VAMP2: variants seen among roughly 807,000 people sequenced by gnomAD.
VAMP2 encodes vesicle-associated membrane protein 2.
For synonymous variants in VAMP2, 67 were observed against 57.3 expected, an observed-to-expected ratio of 1.17 and a Z score of -0.76; for missense variants, 95 against 151.3, an observed-to-expected ratio of 0.63 and a Z score of 1.95.
chr17:8,161,937 G>A (rs1439429436), intron 2 of VAMP2, among the ~76,000 whole-genome samples, 171 bp from the exon 3 acceptor site: 3 of 152,142 alleles, frequency 2.0e-5, no homozygotes, highest in Non-Finnish European at 4.4e-5. Context: ...CATGCAAGGA[G>A]CACACATCAG....
In VAMP2 at chr17:8,160,389, T is replaced by TTG. The variant is rs1250655452; in HGVS notation, c.*465_*466insCA. On this transcript the variant is annotated 3_prime_UTR_variant, in exon 5 of 5. Transcript: ENST00000316509. ...CTGGACAGGTGCTGTTGTTTTTTTT[T>TTG]TTTTTTTTTTTTTTTTGAGGGCGGG... 3.5e-4 allele frequency: 44 copies of TTG among 127,064 alleles called. No individual in the cohort carries two copies. Among genetic ancestry groups the TTG allele is most frequent in the African/African-American group, 1.2e-3 (41 of 34,624 alleles). 7.9% of individuals were successfully genotyped at this position (127,064 alleles called of 1,614,324 possible). A position where few individuals can be genotyped will look rare whatever the true frequency, so the allele number is the denominator to read the frequency against.
chr17:8,161,295 G>A lies in VAMP2; in HGVS notation c.334+178C>T, dbSNP rs1251711281. The A allele has an allele frequency of 3.2e-6, 3 of 924,358 alleles. No individual in the cohort carries two copies. In the East Asian group the frequency reaches 7.9e-5, roughly 24 times the overall value. 57.3% of individuals were successfully genotyped at this position (924,358 alleles called of 1,614,324 possible). On this transcript the variant is annotated intron_variant, in intron 4 of 4. Transcript: ENST00000316509. ...TGTTAACAAGACTGCCAAGAACTAG[G>A]CAAAATGCAGGCTAAATAACATCAA...
At position 8,162,937 on chromosome 17, in the gene VAMP2, C is replaced by G. The variant is rs566761247; in HGVS notation, c.-58G>C. The G allele has an allele frequency of 8.3e-7, 1 of 1,201,028 alleles. No individual in the cohort carries two copies. The highest frequency in any genetic ancestry group is 4.1e-5 in the South Asian group (1 of 24,120). The allele number at this position is 1,201,028 out of a possible 1,614,324, so 74.4% of individuals were successfully genotyped here. On this transcript the variant is annotated 5_prime_UTR_variant, in exon 1 of 5. Transcript: ENST00000316509. Reference sequence around the variant, plus strand: ...GCAGTGATGGCGGCGGCGGCTCGCGCTGGCTCCGACTGGCGCTGGCTGCCC... The same window carrying G: ...GCAGTGATGGCGGCGGCGGCTCGCGGTGGCTCCGACTGGCGCTGGCTGCCC...
Position 8,162,385 on chromosome 17 carries a change from G to C in VAMP2, c.3-16C>G. 6.2e-7 allele frequency: 1 copy of C among 1,610,906 alleles called. No individual in the cohort carries two copies. The highest frequency in any genetic ancestry group is 1.1e-5 in the South Asian group (1 of 90,832). On this transcript the variant is annotated splice_polypyrimidine_tract_variant and intron_variant, in intron 1 of 4. Transcript: ENST00000316509. Reference sequence around the variant, plus strand: ...GGTAGCAGACCTGAGGAGCAGGGACGGATTAAGACCCAGGGCCTGCAGCCT... The same window carrying C: ...GGTAGCAGACCTGAGGAGCAGGGACCGATTAAGACCCAGGGCCTGCAGCCT...
In VAMP2 at chr17:8,159,432, C is replaced by G. The variant is rs1370166469; in HGVS notation, c.*1423G>C. ...GTACCCTCAAACCCTTAAAATTGTG[C>G]CATTTAAAAAGACAATAGACCCTTC... On this transcript the variant is annotated 3_prime_UTR_variant, in exon 5 of 5. Coordinates refer to ENST00000316509, the MANE Select transcript of VAMP2 (RefSeq NM_014232.3). 1 of 152,530 alleles carries G rather than the reference C, an allele frequency of 6.6e-6. No homozygotes were observed. The highest frequency in any genetic ancestry group is 1.9e-4 in the East Asian group (1 of 5,200). 9.4% of individuals were successfully genotyped at this position (152,530 alleles called of 1,614,324 possible).
rs574633800 is a variant in VAMP2 at position 8,161,106 on chromosome 17, C to T, written c.335-235G>A. 1.3e-5 allele frequency: 7 copies of T among 555,564 alleles called. No individual in the cohort carries two copies. In the East Asian group the frequency reaches 2.1e-4, roughly 16 times the overall value. 34.4% of individuals were successfully genotyped at this position (555,564 alleles called of 1,614,324 possible). ...AAGCCACAGACCCTAATCCTCTGAGCCTCTGAGACCGCAAGCTCTCAAATA... is the reference window on the plus strand; with the variant it reads ...AAGCCACAGACCCTAATCCTCTGAGTCTCTGAGACCGCAAGCTCTCAAATA... On this transcript the variant is annotated intron_variant, in intron 4 of 4. Transcript: ENST00000316509.
At chr17:8,161,890 C>T in intron 2 of VAMP2, 124 bp from the exon 3 acceptor site, 1 of 1,428,468 alleles carries the variant, frequency 7.0e-7, no homozygotes, top group East Asian at 2.3e-5. Flanking sequence ...GGTTAACATG[C>T]CAAGGACACA....
Position 8,162,377 on chromosome 17 carries a change from G to A in VAMP2, c.3-8C>T, listed in dbSNP as rs775864378. On this transcript the variant is annotated splice_polypyrimidine_tract_variant and splice_region_variant and intron_variant, in intron 1 of 4. Coordinates refer to ENST00000316509, the MANE Select transcript of VAMP2 (RefSeq NM_014232.3). ...GTGGCAGCGGTAGCAGACCTGAGGA[G>A]CAGGGACGGATTAAGACCCAGGGCC... is the stretch of plus-strand genomic sequence containing the variant. 4 of 1,611,058 alleles carry A rather than the reference G, an allele frequency of 2.5e-6. No homozygotes were observed. The African/African-American group carries it at 4.0e-5, about 16-fold the overall frequency.
Position 8,162,234 on chromosome 17 carries a change from TC to T in VAMP2, c.123+14del. 7 of 1,515,614 alleles carry T rather than the reference TC, an allele frequency of 4.6e-6. No individual in the cohort carries two copies. The highest frequency in any genetic ancestry group is 2.4e-5 in the East Asian group (1 of 42,086). The allele number at this position is 1,515,614 out of a possible 1,614,324, so 93.9% of individuals were successfully genotyped here. A position where few individuals can be genotyped will look rare whatever the true frequency, so the allele number is the denominator to read the frequency against. ...CAGGGTCCCTCCTACTGCTTTTGAC[TC>T]CCCCCACACTCACCTCATCCACCTG... On this transcript the variant is annotated intron_variant, in intron 2 of 4. Coordinates refer to ENST00000316509, the MANE Select transcript of VAMP2 (RefSeq NM_014232.3).
At chr17:8,162,583 A>C in intron 1 of VAMP2, 5 of 1,448,476 alleles carry the variant, frequency 3.5e-6, no homozygotes, top group Non-Finnish European at 4.5e-6. Flanking sequence ...CCCGCCTGTC[A>C]ACTGAGGGCG....
chr17:8,161,782 A>G lies in VAMP2; in HGVS notation c.124-16T>C. The G allele has an allele frequency of 1.9e-6, 3 of 1,609,810 alleles. No homozygotes were observed. The highest frequency in any genetic ancestry group is 2.5e-6 in the Non-Finnish European group (3 of 1,176,604). On this transcript the variant is annotated splice_polypyrimidine_tract_variant and intron_variant, in intron 2 of 4. Coordinates refer to ENST00000316509, the MANE Select transcript of VAMP2 (RefSeq NM_014232.3). ...TGTCCACCACCTGGGAGAAGGGCCCACGAGGCAGGGGGGTGTGCCAAGGCC... is the reference window on the plus strand; with the variant it reads ...TGTCCACCACCTGGGAGAAGGGCCCGCGAGGCAGGGGGGTGTGCCAAGGCC...
At chr17:8,162,536 G>A in intron 1 of VAMP2, 167 bp from the exon 2 acceptor site, 1 of 1,501,302 alleles carries the variant, frequency 6.7e-7, no homozygotes, top group Non-Finnish European at 8.9e-7. Context: ...CCGATGAGCT[G>A]CGTGACCTTG....
rs1377288809 is a variant in VAMP2 at position 8,160,377 on chromosome 17, G to GTTGTTTTT, written c.*470_*477dup. 7.6e-5 allele frequency: 3 copies of GTTGTTTTT among 39,500 alleles called. 1 individual carries two copies. Among genetic ancestry groups the GTTGTTTTT allele is most frequent in the East Asian group, 1.2e-3 (2 of 1,634 alleles). The allele number at this position is 39,500 out of a possible 1,614,324, so 2.4% of individuals were successfully genotyped here. ...ACCTAAGGAAGCCTGGACAGGTGCT[G>GTTGTTTTT]TTGTTTTTTTTTTTTTTTTTTTTTT... On this transcript the variant is annotated 3_prime_UTR_variant, in exon 5 of 5. Coordinates refer to ENST00000316509, the MANE Select transcript of VAMP2 (RefSeq NM_014232.3).
rs1567544128 is a variant in VAMP2 at position 8,162,308 on chromosome 17, G to A, written c.64C>T (p.Pro22Ser). The part of the protein sequence containing the change: ...APAGEGGPPA[P>S]PPNLTSNRRL... ...CTGTTACTGGTGAGGTTTGGAGGGG[G>A]TGCAGGGGGACCACCCTCCCCAGCC... Residue 22 changes from proline (P) to serine (S), a missense_variant, in exon 2 of 5, where the codon CCC becomes TCC. Physicochemically the swap from Pro to Ser is moderately conservative, Grantham distance 74 (BLOSUM62 -1). Coordinates refer to ENST00000316509, the MANE Select transcript of VAMP2 (RefSeq NM_014232.3). 3 of 1,600,740 alleles carry A rather than the reference G, an allele frequency of 1.9e-6. No individual in the cohort carries two copies. The highest frequency in any genetic ancestry group is 2.6e-6 in the Non-Finnish European group (3 of 1,175,464).
At chr17:8,162,411 C>T in intron 1 of VAMP2, 42 bp from the exon 2 acceptor site, 1 of 1,605,034 alleles carries the variant, frequency 6.2e-7, no homozygotes. Flanking sequence ...CCTGCAGCCT[C>T]CCGGCCCCGC....
At chr17:8,162,145 C>T (rs2151865488) in intron 2 of VAMP2, 104 bp downstream of exon 2, 1 of 1,467,530 alleles carries the variant, frequency 6.8e-7, no homozygotes, top group Non-Finnish European at 9.0e-7. Flanking sequence ...GTCCGCAAAC[C>T]CACAGGCGTG....
chr17:8,160,764 G>T lies in VAMP2; in HGVS notation c.*91C>A, dbSNP rs1451446092. The T allele has an allele frequency of 1.4e-5, 20 of 1,393,132 alleles. 1 individual carries two copies. The highest frequency in any genetic ancestry group is 1.8e-5 in the Non-Finnish European group (18 of 1,021,412). 86.3% of individuals were successfully genotyped at this position (1,393,132 alleles called of 1,614,324 possible). On this transcript the variant is annotated 3_prime_UTR_variant, in exon 5 of 5. Coordinates refer to ENST00000316509, the MANE Select transcript of VAMP2 (RefSeq NM_014232.3). The stretch of plus-strand genomic sequence containing the variant: ...CACACACACACACGGATCCAGGGGA[G>T]TGGGGGCTGAAAGATATGGCTGAGA...
chr17:8,160,384 T>TTTTTTTTTTTTTTTTTTTG lies in VAMP2; in HGVS notation c.*470_*471insCAAAAAAAAAAAAAAAAAA, dbSNP rs1567543340. On this transcript the variant is annotated 3_prime_UTR_variant, in exon 5 of 5. Coordinates refer to ENST00000316509, the MANE Select transcript of VAMP2 (RefSeq NM_014232.3). ...GAAGCCTGGACAGGTGCTGTTGTTT[T>TTTTTTTTTTTTTTTTTTTG]TTTTTTTTTTTTTTTTTTTTTGAGG... 1 of 123,038 alleles carries TTTTTTTTTTTTTTTTTTTG rather than the reference T, an allele frequency of 8.1e-6. No individual in the cohort carries two copies. The highest frequency in any genetic ancestry group is 1.7e-5 in the Non-Finnish European group (1 of 58,092). The allele number at this position is 123,038 out of a possible 1,614,324, so 7.6% of individuals were successfully genotyped here.
rs761956028 is a variant in VAMP2 at position 8,161,671 on chromosome 17, C to T, written c.219G>A (p.Gly73=). 14 of 1,614,066 alleles carry T rather than the reference C, an allele frequency of 8.7e-6. No individual in the cohort carries two copies. In the South Asian group the frequency reaches 1.3e-4, roughly 15 times the overall value. ...LDDRADALQA[G]ASQFETSAAK... The stretch of plus-strand genomic sequence containing the variant: ...CTGCGCTTGTTTCAAACTGGGAGGC[C>T]CCCGCCTGGAGTGCATCTGCACGGT... Residue 73 remains glycine, a synonymous_variant, in exon 3 of 5, where the codon GGG becomes GGA. Coordinates refer to ENST00000316509, the MANE Select transcript of VAMP2 (RefSeq NM_014232.3).
Sources: gnomAD v4.1 joint callset for allele counts (sites outside exome capture counted in the v4.1 genomes callset) on GRCh38, gnomAD v4.1.1 for gene constraint, MANE v1.5 for transcripts, NCBI Gene and HGNC (gene_info 2026-07-23, HGNC 2026-07-21) for gene names.